The following TXNDC11 variants were observed in gnomAD, a reference collection of about 807,000 sequenced individuals.
TXNDC11 encodes the protein thioredoxin domain-containing protein 11.
Under a neutral mutation model 78.0 loss-of-function variants are expected in TXNDC11, and 68 were observed. The observed-to-expected ratio is 0.87, with a 90% CI of 0.72 to 1.07. The LOEUF is 1.07. TXNDC11 is among the 50% of genes least tolerant of loss of function. The pLI is 0.00. For missense variants in TXNDC11, 1,389 were observed against 1,221.8 expected, an observed-to-expected ratio of 1.14 and a Z score of -2.04; for synonymous variants, 571 against 495.2, an observed-to-expected ratio of 1.15 and a Z score of -2.03.
intron 1 of TXNDC11, among the ~76,000 whole-genome samples, chr16:11,738,357 A>AT (rs2052289243): frequency 6.6e-6 from 1 of 152,254 alleles, no homozygotes; most frequent in African/African-American, 2.4e-5. Flanking sequence ...TTACACAATT[A>AT]TTCAAAAATT....
chr16:11,719,983 G>A (rs1428326649), intron 5 of TXNDC11, among the ~76,000 whole-genome samples: 1 of 152,180 alleles, frequency 6.6e-6, no homozygotes, highest in Admixed American at 6.5e-5. Flanking sequence ...GTCTGAGGAA[G>A]GAGAAGCGAG....
chr16:11,686,144 GAC>G (rs2141972076), intron 10 of TXNDC11, among the ~76,000 whole-genome samples: 1 of 152,278 alleles, frequency 6.6e-6, no homozygotes, highest in East Asian at 1.9e-4. Context: ...TTTTAGTAGA[GAC>G]AGGTTTTCAC....
intron 1 of TXNDC11, among the ~76,000 whole-genome samples, chr16:11,741,399 C>CT (rs1597510895): frequency 6.6e-6 from 1 of 152,132 alleles, no homozygotes; most frequent in African/African-American, 2.4e-5. Flanking sequence ...CACACATGAA[C>CT]TTTCATGTTC....
intron 4 of TXNDC11, among the ~76,000 whole-genome samples, chr16:11,724,864 G>C (rs1283387355): frequency 1.3e-5 from 2 of 152,172 alleles, no homozygotes; most frequent in African/African-American, 4.8e-5. Flanking sequence ...TCCTGCCTCA[G>C]CCTCCCGAGT....
At position 11,742,512 on chromosome 16, in the gene TXNDC11, G is replaced by A; in HGVS notation, c.219C>T (p.Gly73=). 2 of 1,456,016 alleles carry A rather than the reference G, an allele frequency of 1.4e-6. No homozygotes were observed. Among genetic ancestry groups the A allele is most frequent in the Non-Finnish European group, 1.8e-6 (2 of 1,112,466 alleles). The allele number at this position is 1,456,016 out of a possible 1,614,324, so 90.2% of individuals were successfully genotyped here. A position where few individuals can be genotyped will look rare whatever the true frequency, so the allele number is the denominator to read the frequency against. Residue 73 remains glycine, a synonymous_variant, in exon 1 of 12, where the codon GGC becomes GGT. Coordinates refer to ENST00000283033, the MANE Select transcript of TXNDC11 (RefSeq NM_015914.7). The part of the protein sequence containing the change: ...PELLCGAVAL[G]CALLLALKFT... ...ACTTGAGGGCGAGGAGCAGCGCGCA[G>A]CCGAGCGCCACGGCCCCGCAGAGCA...
chr16:11,685,269 T>C (rs1413945454), intron 10 of TXNDC11, among the ~76,000 whole-genome samples: 2 of 152,190 alleles, frequency 1.3e-5, no homozygotes, highest in Non-Finnish European at 2.9e-5. Flanking sequence ...GAGAATCACC[T>C]GAACCTGGGA....
chr16:11,701,976 T>C lies in TXNDC11; in HGVS notation c.794-1412A>G, dbSNP rs543015127. ...AATGTTAAAAACAATGAGGCAGGAC[T>C]ATACACCACAAACAGAGGCTGAAAG... On this transcript the variant is annotated intron_variant, in intron 5 of 11. Transcript: ENST00000283033. Among the ~76,000 whole-genome samples the C allele has an allele frequency of 2.2e-4, 33 of 150,988 alleles. 1 individual carries two copies. The South Asian group carries it at 6.9e-3, about 31-fold the overall frequency.
In TXNDC11 at chr16:11,742,629, G is replaced by C. The variant is rs1398032069; in HGVS notation, c.102C>G (p.Ser34Arg). ...GGGPAGSDCLSSSPTLATASS... is the reference protein window; with the variant it reads ...GGGPAGSDCLRSSPTLATASS... Reference sequence around the variant, plus strand: ...ACGCTGTGGCCAGGGTCGGGCTCGAGCTGAGGCAGTCTGAGCCCGCGGGGC... The same window carrying C: ...ACGCTGTGGCCAGGGTCGGGCTCGACCTGAGGCAGTCTGAGCCCGCGGGGC... The change falls in exon 1 of 12, where the codon AGC becomes AGG. Residue 34 changes from serine to arginine, a missense_variant. Ser to Arg is a moderately radical substitution (Grantham distance 110). Coordinates refer to ENST00000283033, the MANE Select transcript of TXNDC11 (RefSeq NM_015914.7). 6.8e-7 allele frequency: 1 copy of C among 1,462,378 alleles called. No individual in the cohort carries two copies. The allele number at this position is 1,462,378 out of a possible 1,614,324, so 90.6% of individuals were successfully genotyped here.
At position 11,691,356 on chromosome 16, in the gene TXNDC11, C is replaced by T. The variant is rs2050708175; in HGVS notation, c.1834G>A (p.Val612Ile). The change falls in exon 8 of 12, where the codon GTT becomes ATT. Residue 612 changes from valine (V) to isoleucine (I), a missense_variant. Coordinates refer to ENST00000283033, the MANE Select transcript of TXNDC11 (RefSeq NM_015914.7). ...STQVKEFAAI[V>I]DVKEESHYIL... ...TAATGAGATTCTTCTTTCACGTCAA[C>T]AATTGCCGCAAATTCTTTCACCTGA... is the stretch of plus-strand genomic sequence containing the variant. 10 of 1,614,236 alleles carry T rather than the reference C, an allele frequency of 6.2e-6. No homozygotes were observed. Among genetic ancestry groups the T allele is most frequent in the Non-Finnish European group, 8.5e-6 (10 of 1,180,042 alleles).
At chr16:11,688,013 C>T (rs2050612867) in intron 9 of TXNDC11, 47 bp from the exon 10 acceptor site, 1 of 1,381,140 alleles carries the variant, frequency 7.2e-7, no homozygotes, top group Non-Finnish European at 1.0e-6. Flanking sequence ...GAAATGGGCT[C>T]TTCTTCATTT....
At chr16:11,717,568 TC>T (rs2051568275) in intron 5 of TXNDC11, among the ~76,000 whole-genome samples, 1 of 150,904 alleles carries the variant, frequency 6.6e-6, no homozygotes, top group Non-Finnish European at 1.5e-5. Flanking sequence ...ACGCCTGTAA[TC>T]CCAGCACTTT....
chr16:11,679,536 C>T lies in TXNDC11; in HGVS notation c.2536G>A (p.Glu846Lys), dbSNP rs774726003. Residue 846 changes from glutamate to lysine, a missense_variant, in exon 12 of 12, where the codon GAA (glutamate) becomes AAA (lysine). Glu to Lys is a moderately conservative substitution (Grantham distance 56). Transcript: ENST00000283033. This position sits in a 1 kb window ranked among gnomAD's most constrained non-coding sequence, Gnocchi z 4.6. ...GCGTGGAGCAGGCTGTGCTGCTCTT[C>T]CAGGGCCCGCTGCTGCTGCCGCAGC... ...HRLRQQQRAL[E>K]EQHSLLHAHS... 4 of 1,613,428 alleles carry T rather than the reference C, an allele frequency of 2.5e-6. No homozygotes were observed. The highest frequency in any genetic ancestry group is 3.4e-6 in the Non-Finnish European group (4 of 1,180,022).
Position 11,698,295 on chromosome 16 carries a change from C to A in TXNDC11, c.937G>T (p.Ala313Ser). 6.2e-7 allele frequency: 1 copy of A among 1,613,906 alleles called. No homozygotes were observed. The highest frequency in any genetic ancestry group is 1.3e-5 in the African/African-American group (1 of 75,046). Residue 313 changes from alanine (A) to serine (S), a missense_variant, in exon 7 of 12, where the codon GCT becomes TCT. Physicochemically the swap from Ala to Ser is moderately conservative, Grantham distance 99 (BLOSUM62 1). Transcript: ENST00000283033. Reference protein sequence around the residue: ...VFPREVLNYTAENICKWALEN... With the variant: ...VFPREVLNYTSENICKWALEN... ...AAGGCCCACTTACAGATGTTCTCAG[C>A]TGTGTAGTTCAGGACCTCCCTGGGG... is the stretch of plus-strand genomic sequence containing the variant.
rs138533831 is a variant in TXNDC11, at chr16:11,698,172, A to G, written c.1060T>C (p.Phe354Leu). 6.2e-7 allele frequency: 1 copy of G among 1,614,098 alleles called. No homozygotes were observed. The highest frequency in any genetic ancestry group is 8.5e-7 in the Non-Finnish European group (1 of 1,180,040). The stretch of plus-strand genomic sequence containing the variant: ...TCGGCCAGGGGATTAAAAGGTATGA[A>G]CAGAAACAGCGCTGGTCCTTTCTTC... ...ELKKGPALFL[F>L]IPFNPLAESH... The change falls in exon 7 of 12, where the codon TTC becomes CTC. Residue 354 changes from phenylalanine (F) to leucine (L), a missense_variant. Phe to Leu is a conservative substitution (Grantham distance 22). Coordinates refer to ENST00000283033, the MANE Select transcript of TXNDC11 (RefSeq NM_015914.7).
intron 8 of TXNDC11, chr16:11,689,885 G>A (rs1181498263): frequency 6.6e-6 from 1 of 152,194 alleles, no homozygotes; most frequent in South Asian, 2.1e-4. Context: ...AATATCGACA[G>A]ATTTATGCCC....
intron 7 of TXNDC11, among the ~76,000 whole-genome samples, chr16:11,696,924 T>A (rs1188426744): frequency 2.0e-5 from 3 of 152,072 alleles, no homozygotes; most frequent in Admixed American, 2.0e-4. Flanking sequence ...ACTCTCCAAA[T>A]CCACAACCAC....
intron 8 of TXNDC11, 109 bp from the exon 9 acceptor site, chr16:11,688,554 A>G (rs2050627506): frequency 2.1e-6 from 2 of 932,642 alleles, no homozygotes; most frequent in South Asian, 1.9e-5. Context: ...ATAGGCTCAC[A>G]TTTTTAACAT....
intron 5 of TXNDC11, among the ~76,000 whole-genome samples, chr16:11,702,721 C>T (rs932336353): frequency 1.3e-5 from 2 of 152,110 alleles, no homozygotes; most frequent in African/African-American, 2.4e-5. Flanking sequence ...AGTTAAACAT[C>T]AAATATTACC....
intron 6 of TXNDC11, among the ~76,000 whole-genome samples, chr16:11,700,234 T>C (rs545841904): frequency 1.3e-5 from 2 of 152,246 alleles, no homozygotes; most frequent in African/African-American, 4.8e-5. Flanking sequence ...AAATAAAGAA[T>C]TTCTATACAT....
Sources: allele counts gnomAD v4.1 joint callset (sites outside exome capture counted in the v4.1 genomes callset), GRCh38; gene constraint gnomAD v4.1.1; non-coding constraint Gnocchi (gnomAD v3.1); transcripts MANE v1.5; gene names NCBI Gene and HGNC (gene_info 2026-07-23, HGNC 2026-07-21).